The following ZNF33B variants were observed in gnomAD, a reference collection of about 807,000 sequenced individuals.
ZNF33B encodes zinc finger protein 33B, also known as zinc finger protein 11b (KOX 2).
A neutral mutation model predicts 45.8 loss-of-function variants in ZNF33B; 29 were observed. The ratio of observed to expected loss-of-function variants is 0.63; its 90% CI spans 0.47 to 0.86. ZNF33B has a LOEUF of 0.86. Ranked by LOEUF, ZNF33B falls within the 40% of genes least tolerant of loss-of-function variation. The probability of loss-of-function intolerance (pLI) is 0.00; values close to 1 mark genes in which losing one functional copy is unlikely to be tolerated. For missense variants in ZNF33B, 831 were observed against 909.9 expected, an observed-to-expected ratio of 0.91 and a Z score of 1.12; for synonymous variants, 305 against 307.8, an observed-to-expected ratio of 0.99 and a Z score of 0.10.
intron 1 of ZNF33B, chr10:42,583,109 G>C (rs1836858038): frequency 1.3e-6 from 1 of 783,744 alleles, no homozygotes; most frequent in African/African-American, 1.7e-5. Flanking sequence ...ATCAGTGCAT[G>C]AACACCTCAG....
intron 4 of ZNF33B, among the ~76,000 whole-genome samples, chr10:42,606,496 T>C (rs758392376): frequency 4.6e-5 from 7 of 152,106 alleles, no homozygotes; most frequent in African/African-American, 7.2e-5. Flanking sequence ...AGATCTGTAC[T>C]GGAGTAAGGA....
chr10:42,596,049 A>G (rs1270181155), intron 4 of ZNF33B, among the ~76,000 whole-genome samples: 1 of 152,014 alleles, frequency 6.6e-6, no homozygotes, highest in African/African-American at 2.4e-5. Context: ...GATCAGAAAG[A>G]AAGTTCTGGA....
At chr10:42,624,303 C>T (rs1439254314) in intron 4 of ZNF33B, among the ~76,000 whole-genome samples, 1 of 152,170 alleles carries the variant, frequency 6.6e-6, no homozygotes, top group Non-Finnish European at 1.5e-5. Flanking sequence ...AACATACAGT[C>T]TATAACAGCA....
chr10:42,575,711 AATATAT>A (rs141485546), intron 1 of ZNF33B, among the ~76,000 whole-genome samples: 1 of 143,568 alleles, frequency 7.0e-6, no homozygotes, highest in South Asian at 2.4e-4. Context: ...ACTGCATAAT[AATATAT>A]ATATATATAT....
intron 2 of ZNF33B, among the ~76,000 whole-genome samples, chr10:42,635,294 G>A (rs1175988086): frequency 6.6e-6 from 1 of 151,624 alleles, no homozygotes; most frequent in Non-Finnish European, 1.5e-5. Flanking sequence ...CAGGCCAAAA[G>A]GTTCCTGTCA....
intron 1 of ZNF33B, among the ~76,000 whole-genome samples, chr10:42,577,870 T>C (rs1366218498): frequency 6.6e-6 from 1 of 152,196 alleles, no homozygotes; most frequent in Non-Finnish European, 1.5e-5. Flanking sequence ...CTGTTCCCAC[T>C]GAGGAGGCCT....
intron 1 of ZNF33B, among the ~76,000 whole-genome samples, chr10:42,580,231 TTTTG>T (rs770810021): frequency 5.9e-5 from 9 of 152,164 alleles, no homozygotes; most frequent in Admixed American, 1.3e-4. Context: ...ATCCCATGGT[TTTTG>T]TTTCTTTTCT....
exon 2 of ZNF33B, chr10:42,574,189 C>A (rs1345601218): frequency 2.8e-4 from 39 of 137,170 alleles, no homozygotes; most frequent in Admixed American, 5.3e-4. Context: ...TTTTTTGAGA[C>A]AGAGTCAAAA....
At chr10:42,609,126 C>T (rs571527681) in intron 4 of ZNF33B, among the ~76,000 whole-genome samples, 1 of 152,086 alleles carries the variant, frequency 6.6e-6, no homozygotes, top group Non-Finnish European at 1.5e-5. Context: ...TTAAAACTCG[C>T]CATTACAGGT....
At chr10:42,597,066 T>C (rs1564502167) in intron 4 of ZNF33B, among the ~76,000 whole-genome samples, 1 of 152,096 alleles carries the variant, frequency 6.6e-6, no homozygotes, top group Non-Finnish European at 1.5e-5. Flanking sequence ...TAGATGACTT[T>C]TATTAAAGAA....
intron 4 of ZNF33B, among the ~76,000 whole-genome samples, chr10:42,602,444 G>C (rs1837668947): frequency 6.6e-6 from 1 of 151,966 alleles, no homozygotes; most frequent in African/African-American, 2.4e-5. Context: ...TCAATTTCCT[G>C]GTTAGTCTCT....
At position 42,590,122 on chromosome 10, in the gene ZNF33B, A is replaced by C. The variant is rs1256371824; in HGVS notation, c.*2491T>G. The C allele has an allele frequency of 6.6e-6, 1 of 152,252 alleles. No individual in the cohort carries two copies. Among genetic ancestry groups the C allele is most frequent in the Non-Finnish European group, 1.5e-5 (1 of 68,050 alleles). The allele number at this position is 152,252 out of a possible 1,614,324, so 9.4% of individuals were successfully genotyped here. Reference sequence around the variant, plus strand: ...ATATCAAATGTTGAACAAGGCTTGCATTCCTGATTTGCTAACATTTTAAGG... The same window carrying C: ...ATATCAAATGTTGAACAAGGCTTGCCTTCCTGATTTGCTAACATTTTAAGG... On this transcript the variant is annotated 3_prime_UTR_variant, in exon 5 of 5. Transcript: ENST00000359467.
At chr10:42,595,479 G>A (rs182467704) in intron 4 of ZNF33B, among the ~76,000 whole-genome samples, 33 of 149,492 alleles carry the variant, frequency 2.2e-4, no homozygotes, top group Non-Finnish European at 4.7e-4. Context: ...ACTTATTAAA[G>A]ACATTCCTTA....
intron 4 of ZNF33B, among the ~76,000 whole-genome samples, chr10:42,606,795 TAA>T (rs34274785): frequency 4.8e-3 from 669 of 140,354 alleles, no homozygotes; most frequent in Admixed American, 4.8e-3. Flanking sequence ...GAACTTAAAG[TAA>T]AAAAAAAAAA....
rs1340903619 is a variant in ZNF33B at position 42,592,054 on chromosome 10, A to G, written c.*559T>C. The G allele has an allele frequency of 6.5e-6, 1 of 153,590 alleles. No individual in the cohort carries two copies. The highest frequency in any genetic ancestry group is 1.4e-5 in the Non-Finnish European group (1 of 69,134). 9.5% of individuals were successfully genotyped at this position (153,590 alleles called of 1,614,324 possible). A position where few individuals can be genotyped will look rare whatever the true frequency, so the allele number is the denominator to read the frequency against. On this transcript the variant is annotated 3_prime_UTR_variant, in exon 5 of 5. Coordinates refer to ENST00000359467, the MANE Select transcript of ZNF33B (RefSeq NM_006955.3). ...GGACTTGACCATATACTATGATTAT[A>G]TATTATCCTTAGAGGAAGCTTGGTG...
At chr10:42,614,562 T>C (rs1838233836) in intron 4 of ZNF33B, among the ~76,000 whole-genome samples, 1 of 152,218 alleles carries the variant, frequency 6.6e-6, no homozygotes, top group Admixed American at 6.5e-5. Flanking sequence ...ATGGCAATTC[T>C]CTCTACTACC....
At chr10:42,636,833 C>A in intron 2 of ZNF33B, 87 bp downstream of exon 2, 1 of 1,579,166 alleles carries the variant, frequency 6.3e-7, no homozygotes. Context: ...ATGTCACAAA[C>A]AAAACAAAAC....
At chr10:42,588,603 C>A (rs1378415214), downstream of ZNF33B, among the ~76,000 whole-genome samples, 1 of 152,176 alleles carries the variant, frequency 6.6e-6, no homozygotes, top group African/African-American at 2.4e-5. Flanking sequence ...GTCAGTCACA[C>A]CAACTCTCAG....
rs1481463703 is a variant in ZNF33B at position 42,592,263 on chromosome 10, C to T, written c.*350G>A. 6 of 443,576 alleles carry T rather than the reference C, an allele frequency of 1.4e-5. No individual in the cohort carries two copies. The highest frequency in any genetic ancestry group is 1.0e-4 in the African/African-American group (5 of 48,856). The allele number at this position is 443,576 out of a possible 1,614,324, so 27.5% of individuals were successfully genotyped here. A position where few individuals can be genotyped will look rare whatever the true frequency, so the allele number is the denominator to read the frequency against. On this transcript the variant is annotated 3_prime_UTR_variant, in exon 5 of 5. Coordinates refer to ENST00000359467, the MANE Select transcript of ZNF33B (RefSeq NM_006955.3). ...GAACTTGTCATATTTTATTTCTAAG[C>T]AAAATTTTCACTTTAGATTTCTTAA...
Sources: allele counts gnomAD v4.1 joint callset (sites outside exome capture counted in the v4.1 genomes callset), GRCh38; gene constraint gnomAD v4.1.1; transcripts MANE v1.5; gene names NCBI Gene and HGNC (gene_info 2026-07-23, HGNC 2026-07-21).